The following SIK2 variants were observed in gnomAD, a reference collection of about 807,000 sequenced individuals.
SIK2 encodes the protein serine/threonine-protein kinase SIK2.
SIK2 carries 29 observed loss-of-function variants against 103.2 expected under a neutral mutation model. That is an observed-to-expected ratio of 0.28 (90% CI 0.21 to 0.38). SIK2 has a LOEUF of 0.38. Among genes scored for constraint, SIK2 ranks in the 10% least tolerant of loss-of-function variants. The pLI is 1.00. For missense variants in SIK2, 879 were observed against 1,171.0 expected, an observed-to-expected ratio of 0.75 and a Z score of 3.64; for synonymous variants, 412 against 446.1, an observed-to-expected ratio of 0.92 and a Z score of 0.96.
chr11:111,626,430 G>A (rs1014923072), intron 3 of SIK2, among the ~76,000 whole-genome samples: 8 of 151,182 alleles, frequency 5.3e-5, no homozygotes, highest in Non-Finnish European at 1.0e-4. Context: ...GCTTAAACTG[G>A]AAACCTTGAT....
At chr11:111,679,645 G>C (rs1021277578) in intron 3 of SIK2, among the ~76,000 whole-genome samples, 4 of 152,064 alleles carry the variant, frequency 2.6e-5, no homozygotes, top group Non-Finnish European at 5.9e-5. Context: ...AATTAATACA[G>C]AATCAGACAC....
chr11:111,602,463 C>G lies in SIK2; in HGVS notation c.-101C>G. 1.6e-6 allele frequency: 2 copies of G among 1,284,082 alleles called. No homozygotes were observed. Among genetic ancestry groups the G allele is most frequent in the Non-Finnish European group, 2.0e-6 (2 of 991,290 alleles). The allele number at this position is 1,284,082 out of a possible 1,614,324, so 79.5% of individuals were successfully genotyped here. A position where few individuals can be genotyped will look rare whatever the true frequency, so the allele number is the denominator to read the frequency against. ...GAGCGGGAGGGAAGGAGCGAAGGAG[C>G]GAAGGAGCAAGCGGAGCGGCCGTCG... On this transcript the variant is annotated 5_prime_UTR_variant, in exon 1 of 15. Coordinates refer to ENST00000304987, the MANE Select transcript of SIK2 (RefSeq NM_015191.3). The surrounding 1 kb of genome is among the most constrained non-coding windows in gnomAD (Gnocchi z 4.5).
At chr11:111,683,643 G>A (rs1227959066) in intron 3 of SIK2, among the ~76,000 whole-genome samples, 1 of 151,922 alleles carries the variant, frequency 6.6e-6, no homozygotes, top group Non-Finnish European at 1.5e-5. Context: ...GTTGAGATGG[G>A]GTTTCGCCAG....
intron 8 of SIK2, 36 bp from the exon 9 acceptor site, chr11:111,712,175 A>G (rs1014322717): frequency 1.9e-6 from 3 of 1,594,050 alleles, no homozygotes; most frequent in Non-Finnish European, 8.6e-7. Flanking sequence ...GAAGGTATTC[A>G]TGTTCCCAAA....
chr11:111,692,407 A>C (rs1591619532), intron 4 of SIK2, among the ~76,000 whole-genome samples: 1 of 136,108 alleles, frequency 7.3e-6, no homozygotes, highest in Non-Finnish European at 1.6e-5. Context: ...GGAGAGAGGG[A>C]GAGAGAGAGA....
intron 7 of SIK2, 142 bp downstream of exon 7, chr11:111,703,565 C>T (rs779470362): frequency 1.0e-5 from 7 of 683,662 alleles, no homozygotes; most frequent in Non-Finnish European, 1.7e-5. Context: ...TGACATCAGA[C>T]TCTATTTATA....
chr11:111,661,541 A>T (rs771887240), intron 3 of SIK2, among the ~76,000 whole-genome samples: 23 of 152,380 alleles, frequency 1.5e-4, no homozygotes, highest in Non-Finnish European at 2.6e-4. Context: ...CCATAGTGGA[A>T]AATATTAAAT....
At chr11:111,650,565 G>C (rs1389569439) in intron 3 of SIK2, among the ~76,000 whole-genome samples, 1 of 151,946 alleles carries the variant, frequency 6.6e-6, no homozygotes. Context: ...AGAAAGTAAA[G>C]GCCTAGGTAT....
chr11:111,692,811 T>C (rs1197079628), intron 4 of SIK2, among the ~76,000 whole-genome samples: 1 of 151,866 alleles, frequency 6.6e-6, no homozygotes, highest in African/African-American at 2.4e-5. Context: ...TATACTTTTT[T>C]CTGGGTTTTT....
At position 111,705,398 on chromosome 11, in the gene SIK2, A is replaced by G. The variant is rs765895079; in HGVS notation, c.1101+259A>G. Among the ~76,000 whole-genome samples the G allele has an allele frequency of 2.0e-5, 3 of 152,230 alleles. No individual in the cohort carries two copies. The highest frequency in any genetic ancestry group is 4.4e-5 in the Non-Finnish European group (3 of 68,046). On this transcript the variant is annotated intron_variant, in intron 8 of 14. Coordinates refer to ENST00000304987, the MANE Select transcript of SIK2 (RefSeq NM_015191.3). The surrounding 1 kb of genome is among the most constrained non-coding windows in gnomAD (Gnocchi z 4.3). ...ATTACTATCACTAGCCTTTACATTC[A>G]ATTCCATTTAACAAATTTTTATTAC...
At chr11:111,703,093 A>G in intron 6 of SIK2, 110 bp from the exon 7 acceptor site, 5 of 878,408 alleles carry the variant, frequency 5.7e-6, no homozygotes, top group South Asian at 1.6e-5. Context: ...TCTGCTTTCC[A>G]GTAGAGGATA....
intron 4 of SIK2, among the ~76,000 whole-genome samples, chr11:111,695,308 C>T (rs1943045230): frequency 6.6e-6 from 1 of 152,160 alleles, no homozygotes; most frequent in Non-Finnish European, 1.5e-5. Context: ...GACATTATAA[C>T]ACACTGCTGG....
At chr11:111,642,967 C>T (rs1942204572) in intron 3 of SIK2, among the ~76,000 whole-genome samples, 1 of 149,652 alleles carries the variant, frequency 6.7e-6, no homozygotes, top group Non-Finnish European at 1.5e-5. Context: ...TTATTTTCAC[C>T]AGGCAAAATT....
intron 3 of SIK2, among the ~76,000 whole-genome samples, chr11:111,647,909 A>G (rs188128738): frequency 1.4e-4 from 22 of 152,144 alleles, no homozygotes; most frequent in African/African-American, 3.4e-4. Context: ...TGTCATGAAG[A>G]TGGTTTTTTT....
Position 111,727,058 on chromosome 11 carries a change from C to T in SIK2, c.*2929C>T. The T allele has an allele frequency of 1.2e-6, 2 of 1,613,574 alleles. No individual in the cohort carries two copies. Among genetic ancestry groups the T allele is most frequent in the Non-Finnish European group, 1.7e-6 (2 of 1,179,628 alleles). On this transcript the variant is annotated 3_prime_UTR_variant, in exon 15 of 15. Transcript: ENST00000304987. ...CTCCACGCAACTGATACACTGGTCC[C>T]TGTAAGGCAAACAGCATGTTAGCCC... is the stretch of plus-strand genomic sequence containing the variant.
chr11:111,694,009 T>A (rs971074943), intron 4 of SIK2, among the ~76,000 whole-genome samples: 3 of 152,206 alleles, frequency 2.0e-5, no homozygotes, highest in African/African-American at 7.2e-5. Flanking sequence ...AAAGTTCATA[T>A]CTCATAGTGA....
At chr11:111,617,279 T>C (rs1052747737) in intron 2 of SIK2, among the ~76,000 whole-genome samples, 1 of 152,208 alleles carries the variant, frequency 6.6e-6, no homozygotes, top group Admixed American at 6.5e-5. Context: ...GGAGTGTTTT[T>C]CTCAAATTTT....
chr11:111,641,509 TTATTTTCTGCTTTTGTTTACTTTA>T (rs1171841068), intron 3 of SIK2, among the ~76,000 whole-genome samples: 13 of 152,246 alleles, frequency 8.5e-5, no homozygotes, highest in Non-Finnish European at 1.3e-4. Context: ...TTGAAATATC[TTATTTTCTGCTTTTGTTTACTTTA>T]TATTTTCTGC....
intron 1 of SIK2, 133 bp from the exon 2 acceptor site, chr11:111,616,110 A>G: frequency 1.6e-6 from 1 of 608,824 alleles, no homozygotes; most frequent in Non-Finnish European, 2.9e-6. Context: ...ATGAATGAAC[A>G]TTGAATTTAA....
Sources: gnomAD v4.1 joint callset for allele counts (sites outside exome capture counted in the v4.1 genomes callset) on GRCh38, gnomAD v4.1.1 for gene constraint, Gnocchi (gnomAD v3.1) non-coding constraint, MANE v1.5 for transcripts, NCBI Gene and HGNC (gene_info 2026-07-23, HGNC 2026-07-21) for gene names.